Variants in ZNF383 observed in about 807,000 individuals in gnomAD.
ZNF383 encodes the protein zinc finger protein 383.
A neutral mutation model predicts 44.2 loss-of-function variants in ZNF383; 32 were observed. The ratio of observed to expected loss-of-function variants is 0.72; its 90% CI spans 0.55 to 0.97. The LOEUF (loss-of-function observed/expected upper bound fraction) is 0.97. ZNF383 is among the 50% of genes least tolerant of loss of function. The pLI is 0.00. For synonymous variants in ZNF383, 155 were observed against 186.2 expected (o/e 0.83, Z 1.36); for missense variants, 487 against 562.5 (o/e 0.87, Z 1.36).
At position 37,243,573 on chromosome 19, in the gene ZNF383, G is replaced by T. The variant is rs1394449236; in HGVS notation, c.1337G>T (p.Gly446Val). The change falls in exon 6 of 6, where the codon GGT becomes GTT. Residue 446 changes from glycine (G) to valine (V), a missense_variant. By Grantham distance (109) the Gly-to-Val change is moderately radical (BLOSUM62 -3). Coordinates refer to ENST00000684119, the MANE Select transcript of ZNF383 (RefSeq NM_001387601.1). ...ACTCGACATCTGAGAATTCACACTG[G>T]TGAAAAGCCCTATAACTGTAAGGAA... Reference protein sequence around the residue: ...NLTRHLRIHTGEKPYNCKECG... With the variant: ...NLTRHLRIHTVEKPYNCKECG... 1 of 1,614,040 alleles carries T rather than the reference G, an allele frequency of 6.2e-7. No individual in the cohort carries two copies. The highest frequency in any genetic ancestry group is 1.3e-5 in the African/African-American group (1 of 75,032).
intron 3 of ZNF383, among the ~76,000 whole-genome samples, chr19:37,232,200 G>A (rs1040563769): frequency 9.9e-5 from 15 of 151,344 alleles, no homozygotes; most frequent in South Asian, 2.1e-4. Flanking sequence ...TCAGCCTCTC[G>A]AGTAGCTGTG....
chr19:37,239,939 C>A (rs1308506548), intron 5 of ZNF383, among the ~76,000 whole-genome samples: 3 of 152,150 alleles, frequency 2.0e-5, no homozygotes, highest in Non-Finnish European at 4.4e-5. Context: ...GCGGGAGGAT[C>A]ATGAGGTCAG....
At chr19:37,234,132 G>T (rs186473780) in intron 3 of ZNF383, among the ~76,000 whole-genome samples, 11 of 152,132 alleles carry the variant, frequency 7.2e-5, no homozygotes, top group Non-Finnish European at 1.0e-4. Context: ...CCAAAGTGCT[G>T]GGATTAGAGG....
In ZNF383 at chr19:37,243,179, T is replaced by A; in HGVS notation, c.943T>A (p.Cys315Ser). Residue 315 changes from cysteine to serine, a missense_variant, in exon 6 of 6, where the codon TGT becomes AGT. By Grantham distance (112) the Cys-to-Ser change is moderately radical (BLOSUM62 -1). Coordinates refer to ENST00000684119, the MANE Select transcript of ZNF383 (RefSeq NM_001387601.1). ...TGAGAAACCCTATGAATGTAAGGAATGTGGCAAAGCCTTTACCCAGAGCTC... is the reference window on the plus strand; with the variant it reads ...TGAGAAACCCTATGAATGTAAGGAAAGTGGCAAAGCCTTTACCCAGAGCTC... ...TGEKPYECKE[C>S]GKAFTQSSKL... 1.2e-6 allele frequency: 2 copies of A among 1,614,222 alleles called. No individual in the cohort carries two copies. The highest frequency in any genetic ancestry group is 1.7e-6 in the Non-Finnish European group (2 of 1,180,030).
rs753648787 is a variant in ZNF383 at position 37,243,735 on chromosome 19, C to T, written c.*71C>T. On this transcript the variant is annotated 3_prime_UTR_variant, in exon 6 of 6. Transcript: ENST00000684119. ...ATCATGTCTAATAGTTACCCTCTTC[C>T]GTAGTTTTTTTTAAAACTTTGTATT... 1.0e-4 allele frequency: 110 copies of T among 1,062,734 alleles called. No homozygotes were observed. In the East Asian group the frequency reaches 1.2e-3, roughly 12 times the overall value. 65.8% of individuals were successfully genotyped at this position (1,062,734 alleles called of 1,614,324 possible).
Position 37,242,967 on chromosome 19 carries a change from A to T in ZNF383, c.731A>T (p.His244Leu). The part of the protein sequence containing the change: ...AFSCSSYLSQ[H>L]QRIHTGKKPY... ...AGTTGTAGCTCATACCTTTCTCAACATCAGAGAATCCATACCGGTAAGAAA... is the reference window on the plus strand; with the variant it reads ...AGTTGTAGCTCATACCTTTCTCAACTTCAGAGAATCCATACCGGTAAGAAA... The change falls in exon 6 of 6, where the codon CAT (histidine) becomes CTT (leucine). Residue 244 changes from histidine to leucine, a missense_variant. Coordinates refer to ENST00000684119, the MANE Select transcript of ZNF383 (RefSeq NM_001387601.1). 1 of 1,614,218 alleles carries T rather than the reference A, an allele frequency of 6.2e-7. No homozygotes were observed. The highest frequency in any genetic ancestry group is 1.1e-5 in the South Asian group (1 of 91,086).
chr19:37,233,264 G>A (rs1973591180), intron 3 of ZNF383, among the ~76,000 whole-genome samples: 1 of 151,838 alleles, frequency 6.6e-6, no homozygotes, highest in Admixed American at 6.6e-5. Flanking sequence ...CCGAGCAGCT[G>A]GGATTACAGG....
chr19:37,220,345 C>A (rs113356253), intron 1 of ZNF383, among the ~76,000 whole-genome samples: 2,431 of 152,236 alleles, frequency 0.016, 60 homozygotes, highest in African/African-American at 0.055. Flanking sequence ...CTCACTGCAA[C>A]CTCCCGCCTC....
rs1974307526 is a variant in ZNF383 at position 37,245,008 on chromosome 19, C to G, written c.*1344C>G. ...AATTTTTGCAGCTATAAAAGCTGACCTCGGCTGGGCACAGTGGCTCATGCC... is the reference window on the plus strand; with the variant it reads ...AATTTTTGCAGCTATAAAAGCTGACGTCGGCTGGGCACAGTGGCTCATGCC... On this transcript the variant is annotated 3_prime_UTR_variant, in exon 6 of 6. Transcript: ENST00000684119. 6.6e-6 allele frequency: 1 copy of G among 152,086 alleles called. No homozygotes were observed. The highest frequency in any genetic ancestry group is 6.5e-5 in the Admixed American group (1 of 15,268). The allele number at this position is 152,086 out of a possible 1,614,324, so 9.4% of individuals were successfully genotyped here.
In ZNF383 at chr19:37,243,728, C is replaced by A; in HGVS notation, c.*64C>A. ...ACCAAAAATCATGTCTAATAGTTAC[C>A]CTCTTCCGTAGTTTTTTTTAAAACT... On this transcript the variant is annotated 3_prime_UTR_variant, in exon 6 of 6. Transcript: ENST00000684119. 2 of 1,104,990 alleles carry A rather than the reference C, an allele frequency of 1.8e-6. No homozygotes were observed. Among genetic ancestry groups the A allele is most frequent in the Non-Finnish European group, 2.5e-6 (2 of 792,922 alleles). The allele number at this position is 1,104,990 out of a possible 1,614,324, so 68.4% of individuals were successfully genotyped here. A position where few individuals can be genotyped will look rare whatever the true frequency, so the allele number is the denominator to read the frequency against.
At position 37,243,806 on chromosome 19, in the gene ZNF383, A is replaced by G; in HGVS notation, c.*142A>G. The stretch of plus-strand genomic sequence containing the variant: ...ATTTCATTCCAGGTTATAAATTCGG[A>G]GTCTAAAGTGACATTCCCTCTCTCC... On this transcript the variant is annotated 3_prime_UTR_variant, in exon 6 of 6. Coordinates refer to ENST00000684119, the MANE Select transcript of ZNF383 (RefSeq NM_001387601.1). The G allele has an allele frequency of 1.7e-6, 1 of 576,800 alleles. No homozygotes were observed. The highest frequency in any genetic ancestry group is 2.9e-5 in the East Asian group (1 of 34,600). The allele number at this position is 576,800 out of a possible 1,614,324, so 35.7% of individuals were successfully genotyped here.
chr19:37,230,969 C>G (rs550334367), intron 3 of ZNF383, among the ~76,000 whole-genome samples: 2 of 152,248 alleles, frequency 1.3e-5, no homozygotes, highest in South Asian at 4.1e-4. Context: ...GTGGCTGATA[C>G]AGAGCTCTGC....
intron 3 of ZNF383, among the ~76,000 whole-genome samples, chr19:37,233,402 A>C (rs993651973): frequency 1.4e-5 from 2 of 147,150 alleles, no homozygotes; most frequent in Non-Finnish European, 3.0e-5. Flanking sequence ...AAGTTCTGGG[A>C]TTACAGGCGT....
chr19:37,247,922 G>A lies in ZNF383; in HGVS notation c.*4258G>A, dbSNP rs548232396. ...GGCCAAGGCGGGTGGATCACCTGAG[G>A]TCGGGGATTTGAGACCAGCCTGACC... is the stretch of plus-strand genomic sequence containing the variant. On this transcript the variant is annotated 3_prime_UTR_variant, in exon 6 of 6. Coordinates refer to ENST00000684119, the MANE Select transcript of ZNF383 (RefSeq NM_001387601.1). 1 of 152,294 alleles carries A rather than the reference G, an allele frequency of 6.6e-6. No homozygotes were observed. The highest frequency in any genetic ancestry group is 1.5e-5 in the Non-Finnish European group (1 of 68,038). The allele number at this position is 152,294 out of a possible 1,614,324, so 9.4% of individuals were successfully genotyped here.
chr19:37,236,239 C>T (rs1168939468), intron 5 of ZNF383, among the ~76,000 whole-genome samples, 165 bp downstream of exon 5: 2 of 151,904 alleles, frequency 1.3e-5, no homozygotes, highest in Admixed American at 6.6e-5. Context: ...TAACCTGTTT[C>T]GCCCTTTTCC....
At chr19:37,234,557 T>A (rs1426353132) in intron 3 of ZNF383, among the ~76,000 whole-genome samples, 1 of 151,850 alleles carries the variant, frequency 6.6e-6, no homozygotes, top group African/African-American at 2.4e-5. Context: ...GCCTGGCTAA[T>A]TTTTTTGTAT....
chr19:37,236,978 C>G (rs1973838886), intron 5 of ZNF383, among the ~76,000 whole-genome samples: 1 of 151,354 alleles, frequency 6.6e-6, no homozygotes, highest in South Asian at 2.1e-4. Context: ...CACACACACA[C>G]ACACACACAC....
At chr19:37,223,445 C>A (rs1041402674) in intron 1 of ZNF383, among the ~76,000 whole-genome samples, 17 of 151,986 alleles carry the variant, frequency 1.1e-4, no homozygotes, top group African/African-American at 3.6e-4. Flanking sequence ...TGCCTGTAAT[C>A]CCAGCACTTT....
At chr19:37,229,223 C>T (rs1973332852) in intron 2 of ZNF383, among the ~76,000 whole-genome samples, 3 of 144,094 alleles carry the variant, frequency 2.1e-5, no homozygotes, top group African/African-American at 5.2e-5. Flanking sequence ...GGCGTGATCT[C>T]GGCTCATTGC....
Sources: gnomAD v4.1 joint callset for allele counts (sites outside exome capture counted in the v4.1 genomes callset) on GRCh38, gnomAD v4.1.1 for gene constraint, MANE v1.5 for transcripts, NCBI Gene and HGNC (gene_info 2026-07-23, HGNC 2026-07-21) for gene names.